The following BRF1 variants were observed in gnomAD, a reference collection of about 807,000 sequenced individuals.
The protein encoded by BRF1 is BRF1 general transcription factor IIIB subunit.
Under a neutral mutation model 81.7 loss-of-function variants are expected in BRF1, and 59 were observed. That is an observed-to-expected ratio of 0.72 (90% CI 0.59 to 0.90). The LOEUF is 0.90. BRF1 is among the 40% of genes least tolerant of loss of function. BRF1 has a pLI of 0.00. For synonymous variants in BRF1, 491 were observed against 395.6 expected (o/e 1.24, Z -2.86); for missense variants, 1,050 against 936.3 (o/e 1.12, Z -1.58).
At chr14:105,302,871 G>T (rs2058080817), upstream of BRF1, among the ~76,000 whole-genome samples, 1 of 151,950 alleles carries the variant, frequency 6.6e-6, no homozygotes, top group South Asian at 2.1e-4. Flanking sequence ...ATGAGCCACT[G>T]CTCCCCGCCC....
At chr14:105,299,040 G>C (rs1005915389) in intron 1 of BRF1, among the ~76,000 whole-genome samples, 7 of 151,816 alleles carry the variant, frequency 4.6e-5, no homozygotes, top group African/African-American at 1.7e-4. Flanking sequence ...GGGCATGGTA[G>C]TGGGCTCCTG....
intron 3 of BRF1, among the ~76,000 whole-genome samples, chr14:105,262,595 G>A (rs3784215): frequency 6.6e-6 from 1 of 152,228 alleles, no homozygotes; most frequent in African/African-American, 2.4e-5. Flanking sequence ...GTACCCAGGT[G>A]CCTTCTCAAA....
chr14:105,267,676 TAATACC>T (rs886396110), intron 3 of BRF1, among the ~76,000 whole-genome samples: 1 of 152,184 alleles, frequency 6.6e-6, no homozygotes, highest in Admixed American at 6.6e-5. Context: ...TCAGCCATCC[TAATACC>T]TTCTTCTGAC....
At chr14:105,280,627 C>T (rs1052125700) in intron 2 of BRF1, among the ~76,000 whole-genome samples, 4 of 151,940 alleles carry the variant, frequency 2.6e-5, no homozygotes, top group African/African-American at 2.4e-5. Context: ...CAGGTGGAGG[C>T]TGTGTGATCC....
intron 5 of BRF1, chr14:105,248,494 G>A (rs1490965205): frequency 2.0e-6 from 2 of 983,812 alleles, no homozygotes; most frequent in Non-Finnish European, 2.4e-6. Context: ...TGGGGGCGGG[G>A]CCGCGAGGCA....
At chr14:105,215,418 A>C (rs767025436) in intron 15 of BRF1, among the ~76,000 whole-genome samples, 7 of 152,052 alleles carry the variant, frequency 4.6e-5, no homozygotes, top group Non-Finnish European at 8.8e-5. Context: ...ACATGCACAC[A>C]CACTATGTGC....
chr14:105,268,599 A>G (rs1011074122), intron 3 of BRF1, among the ~76,000 whole-genome samples: 5 of 152,200 alleles, frequency 3.3e-5, no homozygotes, highest in African/African-American at 1.2e-4. Context: ...TTCTTAAATC[A>G]AGCCCTTGTT....
chr14:105,250,052 C>T, intron 5 of BRF1: 1 of 1,612,976 alleles, frequency 6.2e-7, no homozygotes. Context: ...GGGGCGAGCC[C>T]TCTATCTGGT....
intron 1 of BRF1, among the ~76,000 whole-genome samples, chr14:105,298,108 T>C (rs2057815084): frequency 6.6e-6 from 1 of 152,218 alleles, no homozygotes. Flanking sequence ...GATTTTTCGA[T>C]TAGGGATGCT....
intron 10 of BRF1, among the ~76,000 whole-genome samples, chr14:105,223,029 G>A (rs967246871): frequency 6.6e-6 from 1 of 152,092 alleles, no homozygotes; most frequent in African/African-American, 2.4e-5. Context: ...CTGTCTCTAT[G>A]AAGAAATGTA....
At chr14:105,243,058 GT>G (rs1218805452) in intron 5 of BRF1, among the ~76,000 whole-genome samples, 13 of 152,136 alleles carry the variant, frequency 8.5e-5, no homozygotes, top group Non-Finnish European at 1.6e-4. Flanking sequence ...GGAGATTGCA[GT>G]GAGCCAAGAT....
intron 3 of BRF1, among the ~76,000 whole-genome samples, chr14:105,268,912 C>A (rs2056543933): frequency 1.3e-5 from 2 of 152,170 alleles, no homozygotes; most frequent in South Asian, 4.1e-4. Context: ...GCTGCACACA[C>A]CCTCTCCTGG....
Position 105,300,511 on chromosome 14 carries a change from T to A in BRF1, c.119A>T (p.Glu40Val), listed in dbSNP as rs778814328. 8 of 1,537,582 alleles carry A rather than the reference T, an allele frequency of 5.2e-6. No individual in the cohort carries two copies. ...SVLEDNIIVS[E>V]VQFVESSGGG... The stretch of plus-strand genomic sequence containing the variant: ...GCCGCTGCTCTCCACGAACTGCACC[T>A]CGGACACGATGATGTTGTCCTCCAG... Residue 40 changes from glutamate (E) to valine (V), a missense_variant, in exon 1 of 18, where the codon GAG becomes GTG. By Grantham distance (121) the Glu-to-Val change is moderately radical. Coordinates refer to ENST00000547530, the MANE Select transcript of BRF1 (RefSeq NM_001519.4).
intron 2 of BRF1, among the ~76,000 whole-genome samples, chr14:105,277,817 C>G (rs991052051): frequency 6.6e-6 from 1 of 152,130 alleles, no homozygotes; most frequent in Non-Finnish European, 1.5e-5. Context: ...TGCAGTGGTG[C>G]GATCTCAGCT....
At chr14:105,226,188 G>C in intron 9 of BRF1, 27 bp from the exon 10 acceptor site, 2 of 1,613,926 alleles carry the variant, frequency 1.2e-6, no homozygotes, top group Non-Finnish European at 1.7e-6. Context: ...AAAGCAAAAA[G>C]TCAGCATAAA....
chr14:105,211,966 TG>T, intron 16 of BRF1, 146 bp downstream of exon 16: 1 of 1,239,136 alleles, frequency 8.1e-7, no homozygotes, highest in Non-Finnish European at 1.1e-6. Flanking sequence ...CTCGATTCTC[TG>T]GCCATGCCAG....
chr14:105,249,751 G>A, intron 5 of BRF1: 1 of 1,613,914 alleles, frequency 6.2e-7, no homozygotes, highest in Non-Finnish European at 8.5e-7. Flanking sequence ...TCAACTTTCT[G>A]GAGACAAGTT....
In BRF1 at chr14:105,221,798, C is replaced by A; in HGVS notation, c.1165G>T (p.Ala389Ser). 1 of 1,611,030 alleles carries A rather than the reference C, an allele frequency of 6.2e-7. No homozygotes were observed. The highest frequency in any genetic ancestry group is 8.5e-7 in the Non-Finnish European group (1 of 1,179,380). Residue 389 changes from alanine to serine, a missense_variant, in exon 11 of 18, where the codon GCC becomes TCC. Coordinates refer to ENST00000547530, the MANE Select transcript of BRF1 (RefSeq NM_001519.4). ...KDLYRELLGG[A>S]PGSSEAAGSP... is the part of the protein sequence containing the mutation. ...CCTGCTGCTTCCGAGCTGCCGGGGG[C>A]ACCACCAAGGAGCTCCCGGTATAAG...
intron 5 of BRF1, among the ~76,000 whole-genome samples, chr14:105,243,788 G>A (rs1040808061): frequency 6.6e-6 from 1 of 152,012 alleles, no homozygotes; most frequent in Non-Finnish European, 1.5e-5. Context: ...CTGACGTCAG[G>A]AATTCAAGAC....
Sources: gnomAD v4.1 joint callset for allele counts (sites outside exome capture counted in the v4.1 genomes callset) on GRCh38, gnomAD v4.1.1 for gene constraint, MANE v1.5 for transcripts, NCBI Gene and HGNC (gene_info 2026-07-23, HGNC 2026-07-21) for gene names.